Variants in KCNIP4 observed in about 807,000 individuals in gnomAD.
KCNIP4 encodes Kv channel-interacting protein 4.
A neutral mutation model predicts 34.0 loss-of-function variants in KCNIP4; 12 were observed. The observed-to-expected ratio is 0.35, with a 90% CI of 0.23 to 0.57. The LOEUF is 0.57. Ranked by LOEUF, KCNIP4 falls within the 20% of genes least tolerant of loss-of-function variation. The probability of loss-of-function intolerance (pLI) is 0.83; values close to 1 mark genes in which losing one functional copy is unlikely to be tolerated. For synonymous variants in KCNIP4, 124 were observed against 102.2 expected, an observed-to-expected ratio of 1.21 and a Z score of -1.29; for missense variants, 238 against 311.7, an observed-to-expected ratio of 0.76 and a Z score of 1.78.
chr4:21,832,258 C>T (rs1723032196), intron 1 of KCNIP4, among the ~76,000 whole-genome samples: 1 of 152,148 alleles, frequency 6.6e-6, no homozygotes, highest in Non-Finnish European at 1.5e-5. Context: ...ATGACAAACT[C>T]ACAGCTAATA....
chr4:20,890,039 C>A (rs942252609), intron 1 of KCNIP4, among the ~76,000 whole-genome samples: 1 of 152,042 alleles, frequency 6.6e-6, no homozygotes, highest in South Asian at 2.1e-4. Flanking sequence ...AGAATCTAAC[C>A]ATCTGCATCT....
intron 1 of KCNIP4, among the ~76,000 whole-genome samples, chr4:21,017,705 C>T (rs1274368578): frequency 6.6e-6 from 1 of 151,934 alleles, no homozygotes; most frequent in African/African-American, 2.4e-5. Context: ...GGGTATATAC[C>T]CAGTAATAGG....
At chr4:20,930,010 GA>G (rs1321337788) in intron 1 of KCNIP4, among the ~76,000 whole-genome samples, 2 of 151,556 alleles carry the variant, frequency 1.3e-5, no homozygotes, top group African/African-American at 2.4e-5. Flanking sequence ...CACAGAAATA[GA>G]AAAAAAATTC....
intron 1 of KCNIP4, among the ~76,000 whole-genome samples, chr4:21,398,171 A>C (rs930614548): frequency 2.0e-5 from 3 of 152,216 alleles, no homozygotes; most frequent in African/African-American, 7.2e-5. Flanking sequence ...CCAGAATTTA[A>C]GCTAAAATGA....
intron 1 of KCNIP4, among the ~76,000 whole-genome samples, chr4:20,966,544 A>T (rs1436999707): frequency 6.6e-6 from 1 of 152,202 alleles, no homozygotes; most frequent in African/African-American, 2.4e-5. Flanking sequence ...GGTTGATTCC[A>T]ATTCTACTGA....
At chr4:21,082,799 T>C (rs1364129015) in intron 1 of KCNIP4, among the ~76,000 whole-genome samples, 2 of 151,838 alleles carry the variant, frequency 1.3e-5, no homozygotes, top group Non-Finnish European at 2.9e-5. Context: ...TAATGTGTAC[T>C]TAATACTTTT....
At position 20,796,450 on chromosome 4, in the gene KCNIP4, G is replaced by A. The variant is rs544332320; in HGVS notation, c.289-37560C>T. 2.0e-5 allele frequency among the ~76,000 whole-genome samples: 3 copies of A among 152,276 alleles called. No homozygotes were observed. In the South Asian group the frequency reaches 6.2e-4, roughly 32 times the overall value. On this transcript the variant is annotated intron_variant, in intron 3 of 8. Coordinates refer to ENST00000382152, the MANE Select transcript of KCNIP4 (RefSeq NM_025221.6). ...GCTGGATGATTAAATGAAGTAGTGT[G>A]TGTAATGTGTTGGCTCATTGGACAG...
chr4:21,249,195 C>A (rs1760506481), intron 1 of KCNIP4, among the ~76,000 whole-genome samples: 1 of 151,922 alleles, frequency 6.6e-6, no homozygotes, highest in Admixed American at 6.6e-5. Context: ...GGTATACTTC[C>A]ATTATAATAA....
intron 1 of KCNIP4, among the ~76,000 whole-genome samples, chr4:21,307,198 C>T (rs762739273): frequency 7.9e-5 from 12 of 152,084 alleles, no homozygotes; most frequent in Admixed American, 4.6e-4. Flanking sequence ...GTCAAAATTA[C>T]GGGTTCCTTT....
At chr4:21,781,377 G>T (rs2109213422) in intron 1 of KCNIP4, among the ~76,000 whole-genome samples, 1 of 152,114 alleles carries the variant, frequency 6.6e-6, no homozygotes, top group East Asian at 1.9e-4. Flanking sequence ...AAATTACCCG[G>T]TCTCAGGTAG....
At chr4:20,933,204 A>G (rs1730666965) in intron 1 of KCNIP4, among the ~76,000 whole-genome samples, 1 of 152,174 alleles carries the variant, frequency 6.6e-6, no homozygotes, top group Non-Finnish European at 1.5e-5. Flanking sequence ...AGATCATGCC[A>G]TTGCACTCCA....
chr4:20,817,991 T>C (rs1716624656), intron 3 of KCNIP4, among the ~76,000 whole-genome samples: 1 of 152,198 alleles, frequency 6.6e-6, no homozygotes, highest in Non-Finnish European at 1.5e-5. Context: ...GCTATGCTTT[T>C]GGATTCATGG....
rs533635570 is a variant in KCNIP4 at position 21,276,767 on chromosome 4, A to G, written c.62-394058T>C. Among the ~76,000 whole-genome samples, 9 of 152,226 alleles carry G rather than the reference A, an allele frequency of 5.9e-5. No homozygotes were observed. In the East Asian group the frequency reaches 1.7e-3, roughly 29 times the overall value. On this transcript the variant is annotated intron_variant, in intron 1 of 8. Coordinates refer to ENST00000382152, the MANE Select transcript of KCNIP4 (RefSeq NM_025221.6). ...CCAGACTCCCTTGCAACTAGAAATGATTTTATGATATAGTTTTGGGCCAAT... is the reference window on the plus strand; with the variant it reads ...CCAGACTCCCTTGCAACTAGAAATGGTTTTATGATATAGTTTTGGGCCAAT...
intron 1 of KCNIP4, among the ~76,000 whole-genome samples, chr4:21,574,602 G>T (rs1485067884): frequency 6.6e-6 from 1 of 152,116 alleles, no homozygotes; most frequent in African/African-American, 2.4e-5. Flanking sequence ...AAAAATTAAA[G>T]AAGGATCCAG....
intron 1 of KCNIP4, among the ~76,000 whole-genome samples, chr4:21,463,181 A>G (rs1026716632): frequency 3.3e-5 from 5 of 152,064 alleles, no homozygotes; most frequent in Non-Finnish European, 4.4e-5. Flanking sequence ...AACACTTGTT[A>G]TCTTTTGTAT....
intron 1 of KCNIP4, among the ~76,000 whole-genome samples, chr4:21,409,566 T>C (rs948677021): frequency 3.3e-5 from 5 of 152,206 alleles, no homozygotes; most frequent in Non-Finnish European, 5.9e-5. Context: ...AAAAATAATA[T>C]GTTATTAGAA....
At chr4:21,686,312 C>T (rs191130034) in intron 1 of KCNIP4, among the ~76,000 whole-genome samples, 53 of 152,206 alleles carry the variant, frequency 3.5e-4, no homozygotes, top group Non-Finnish European at 6.3e-4. Flanking sequence ...TTACTCAAAG[C>T]ATGGTAATAT....
At chr4:21,444,111 T>G (rs1219115543) in intron 1 of KCNIP4, among the ~76,000 whole-genome samples, 2 of 151,886 alleles carry the variant, frequency 1.3e-5, no homozygotes, top group African/African-American at 2.4e-5. Context: ...AATAACAGGC[T>G]CTGAAATTGA....
chr4:21,105,111 G>GT (rs1319072035), intron 1 of KCNIP4, among the ~76,000 whole-genome samples: 8 of 151,560 alleles, frequency 5.3e-5, no homozygotes, highest in South Asian at 4.1e-4. Flanking sequence ...CCTTAAAGTA[G>GT]TTTTTTTCCA....
Sources: allele counts gnomAD v4.1 joint callset (sites outside exome capture counted in the v4.1 genomes callset), GRCh38; gene constraint gnomAD v4.1.1; transcripts MANE v1.5; gene names NCBI Gene and HGNC (gene_info 2026-07-23, HGNC 2026-07-21).